JAK2: variants seen among roughly 807,000 people sequenced by gnomAD.
JAK2 encodes the protein Janus kinase 2.
A neutral mutation model predicts 139.3 loss-of-function variants in JAK2; 86 were observed. That is an observed-to-expected ratio of 0.62 (90% CI 0.52 to 0.74). The LOEUF (loss-of-function observed/expected upper bound fraction) is 0.74, where lower values mean the gene tolerates loss of function less well. JAK2 is among the 30% of genes least tolerant of loss of function. JAK2 has a pLI of 0.00. For missense variants in JAK2, 1,421 were observed against 1,360.3 expected (o/e 1.04, Z -0.70); for synonymous variants, 490 against 437.7 (o/e 1.12, Z -1.49).
intron 2 of JAK2, among the ~76,000 whole-genome samples, chr9:5,006,267 GAGTTC>G (rs1821295605): frequency 6.6e-6 from 1 of 152,180 alleles, no homozygotes; most frequent in Non-Finnish European, 1.5e-5. Context: ...TTGTGAACGG[GAGTTC>G]ACTCATGATT....
intron 3 of JAK2, among the ~76,000 whole-genome samples, chr9:5,024,093 A>G (rs796598682): frequency 5.3e-5 from 8 of 152,178 alleles, no homozygotes; most frequent in African/African-American, 1.9e-4. Flanking sequence ...CATCTCTGCT[A>G]AAAATACAAA....
chr9:5,020,879 G>A (rs1001587394), intron 2 of JAK2, among the ~76,000 whole-genome samples: 5 of 152,116 alleles, frequency 3.3e-5, no homozygotes, highest in African/African-American at 9.7e-5. Flanking sequence ...AGGGTAGGAG[G>A]CATTCTGGTG....
Position 5,122,987 on chromosome 9 carries a change from T to C in JAK2, c.3060-17T>C. ...TATCAAGTAACTGTCTTTTAAATGT[T>C]ATTCATATATTTACAGGTATGCTCC... is the stretch of plus-strand genomic sequence containing the variant. On this transcript the variant is annotated splice_polypyrimidine_tract_variant and intron_variant, in intron 22 of 24. Coordinates refer to ENST00000381652, the MANE Select transcript of JAK2 (RefSeq NM_004972.4). 1 of 1,509,638 alleles carries C rather than the reference T, an allele frequency of 6.6e-7. No homozygotes were observed. The allele number at this position is 1,509,638 out of a possible 1,614,324, so 93.5% of individuals were successfully genotyped here. A position where few individuals can be genotyped will look rare whatever the true frequency, so the allele number is the denominator to read the frequency against.
At chr9:5,010,194 AG>A (rs1451335265) in intron 2 of JAK2, among the ~76,000 whole-genome samples, 3 of 152,116 alleles carry the variant, frequency 2.0e-5, no homozygotes, top group Non-Finnish European at 4.4e-5. Context: ...TATTTGTCGG[AG>A]CCGCCATGAA....
At chr9:5,068,927 C>T (rs1049450007) in intron 10 of JAK2, 95 bp from the exon 11 acceptor site, 4 of 699,652 alleles carry the variant, frequency 5.7e-6, no homozygotes, top group Admixed American at 5.6e-5. Flanking sequence ...AATGTTTATT[C>T]TGTTGCTTGT....
intron 6 of JAK2, among the ~76,000 whole-genome samples, chr9:5,052,599 T>C (rs1817494977): frequency 6.6e-6 from 1 of 152,224 alleles, no homozygotes; most frequent in South Asian, 2.1e-4. Context: ...TTTAGAACAT[T>C]TGCATCCTTT....
chr9:5,022,053 T>C lies in JAK2; in HGVS notation c.66T>C (p.Asn22=), dbSNP rs1822467315. The C allele has an allele frequency of 6.2e-7, 1 of 1,614,090 alleles. No individual in the cohort carries two copies. The highest frequency in any genetic ancestry group is 8.5e-7 in the Non-Finnish European group (1 of 1,179,918). ...EGTSTSSIYQ[N]GDISGNANSM... ...CATCCACCTCTTCTATATATCAGAA[T>C]GGTGATATTTCTGGAAATGCCAATT... Residue 22 remains asparagine, a synonymous_variant, in exon 3 of 25, where the codon AAT becomes AAC. Transcript: ENST00000381652.
chr9:5,050,754 T>C lies in JAK2; in HGVS notation c.537T>C (p.Leu179=), dbSNP rs1817360437. ...CTCATGAAACACAGGAAGAATGTCT[T>C]GGGATGGCAGTGTTAGATATGATGA... ...PVTHETQEEC[L]GMAVLDMMRI... is the part of the protein sequence containing the mutation. Residue 179 remains leucine (L), a synonymous_variant, in exon 6 of 25, where the codon CTT becomes CTC. Transcript: ENST00000381652. 6.2e-7 allele frequency: 1 copy of C among 1,613,652 alleles called. No homozygotes were observed. Among genetic ancestry groups the C allele is most frequent in the Non-Finnish European group, 8.5e-7 (1 of 1,179,630 alleles).
intron 2 of JAK2, among the ~76,000 whole-genome samples, chr9:4,998,915 G>A (rs1391796506): frequency 1.8e-4 from 27 of 151,872 alleles, no homozygotes; most frequent in Admixed American, 1.4e-3. Flanking sequence ...TCCGCCTCCC[G>A]GGTTCACGCC....
chr9:5,085,482 C>G (rs559950458), intron 19 of JAK2: 2 of 723,810 alleles, frequency 2.8e-6, no homozygotes, highest in East Asian at 5.4e-5. Flanking sequence ...ATCTCTCATG[C>G]TCATTTTCTT....
rs184463224 is a variant in JAK2, at chr9:5,035,530, C to G, written c.350+5624C>G. Among the ~76,000 whole-genome samples, 521 of 152,288 alleles carry G rather than the reference C, an allele frequency of 3.4e-3. 2 individuals carry two copies. The highest frequency in any genetic ancestry group is 0.012 in the African/African-American group (513 of 41,548). On this transcript the variant is annotated intron_variant, in intron 4 of 24. Coordinates refer to ENST00000381652, the MANE Select transcript of JAK2 (RefSeq NM_004972.4). ...TCCAGCAGCACATCAAAAAGCTTATCCACCATGATCAAGTGGGCTTCATGC... is the reference window on the plus strand; with the variant it reads ...TCCAGCAGCACATCAAAAAGCTTATGCACCATGATCAAGTGGGCTTCATGC...
At chr9:5,115,042 T>C (rs964870902) in intron 22 of JAK2, among the ~76,000 whole-genome samples, 11 of 152,050 alleles carry the variant, frequency 7.2e-5, no homozygotes, top group Non-Finnish European at 1.5e-4. Context: ...CCAAAAGCAA[T>C]GGCAACAAAA....
intron 23 of JAK2, among the ~76,000 whole-genome samples, chr9:5,124,454 T>C (rs1248301128): frequency 6.6e-6 from 1 of 151,734 alleles, no homozygotes; most frequent in Non-Finnish European, 1.5e-5. Context: ...GCACCATTTA[T>C]TGAAAAGGGT....
chr9:5,052,011 A>G (rs921003463), intron 6 of JAK2, among the ~76,000 whole-genome samples: 1 of 152,146 alleles, frequency 6.6e-6, no homozygotes, highest in Admixed American at 6.6e-5. Flanking sequence ...CTTATTGAAT[A>G]CTTGCTGTAT....
intron 8 of JAK2, among the ~76,000 whole-genome samples, chr9:5,064,209 T>C (rs113797261): frequency 1.1e-3 from 169 of 152,014 alleles, no homozygotes; most frequent in African/African-American, 3.9e-3. Flanking sequence ...CATTTTAGTT[T>C]GTAGCATGAA....
At chr9:5,063,094 CTCTT>C (rs1410033837) in intron 8 of JAK2, among the ~76,000 whole-genome samples, 2 of 152,006 alleles carry the variant, frequency 1.3e-5, no homozygotes, top group East Asian at 1.9e-4. Flanking sequence ...ACATGCTTGT[CTCTT>C]TATTATAATT....
intron 19 of JAK2, among the ~76,000 whole-genome samples, chr9:5,083,062 A>G (rs1177079305): frequency 6.6e-6 from 1 of 152,210 alleles, no homozygotes; most frequent in Admixed American, 6.5e-5. Context: ...GAGGAAGATG[A>G]ATTAGGCAGT....
At chr9:5,116,857 T>G (rs1586831571) in intron 22 of JAK2, among the ~76,000 whole-genome samples, 1 of 152,200 alleles carries the variant, frequency 6.6e-6, no homozygotes, top group Admixed American at 6.5e-5. Flanking sequence ...TATGGCACTT[T>G]CAATAATTAA....
chr9:5,036,625 T>G (rs552714454), intron 4 of JAK2, among the ~76,000 whole-genome samples: 2 of 152,268 alleles, frequency 1.3e-5, no homozygotes, highest in South Asian at 2.1e-4. Flanking sequence ...GATTCCCTAT[T>G]TAATAAATGG....
Sources: allele counts gnomAD v4.1 joint callset (sites outside exome capture counted in the v4.1 genomes callset), GRCh38; gene constraint gnomAD v4.1.1; transcripts MANE v1.5; gene names NCBI Gene and HGNC (gene_info 2026-07-23, HGNC 2026-07-21).